TXLNA: variants seen among roughly 807,000 people sequenced by gnomAD.
TXLNA encodes taxilin alpha.
TXLNA carries 9 observed loss-of-function variants against 61.4 expected under a neutral mutation model. The observed-to-expected ratio is 0.15, with a 90% CI of 0.09 to 0.26. The LOEUF (loss-of-function observed/expected upper bound fraction) is 0.26. TXLNA is among the 10% of genes least tolerant of loss of function. The pLI, the probability that TXLNA is intolerant of heterozygous loss-of-function variation, is 1.00. For missense variants in TXLNA, 565 were observed against 688.8 expected, an observed-to-expected ratio of 0.82 and a Z score of 2.01; for synonymous variants, 257 against 267.7, an observed-to-expected ratio of 0.96 and a Z score of 0.39.
rs550675886 is a variant in TXLNA, at chr1:32,196,399, T to C, written c.*1204T>C. 2 of 152,414 alleles carry C rather than the reference T, an allele frequency of 1.3e-5. No homozygotes were observed. The highest frequency in any genetic ancestry group is 4.8e-5 in the African/African-American group (2 of 41,582). 9.4% of individuals were successfully genotyped at this position (152,414 alleles called of 1,614,324 possible). A position where few individuals can be genotyped will look rare whatever the true frequency, so the allele number is the denominator to read the frequency against. ...CTGATTCTATTTCCTGGCACCTCCCTGCCTGTCCTTGGGGATTCTACTTCT... is the reference window on the plus strand; with the variant it reads ...CTGATTCTATTTCCTGGCACCTCCCCGCCTGTCCTTGGGGATTCTACTTCT... On this transcript the variant is annotated 3_prime_UTR_variant, in exon 11 of 11. Transcript: ENST00000373610.
chr1:32,180,651 T>C, intron 2 of TXLNA, 137 bp downstream of exon 2: 2 of 1,140,888 alleles, frequency 1.8e-6, no homozygotes, highest in Non-Finnish European at 2.4e-6. Context: ...GGGGCCGCGG[T>C]CCCCCCTGCG....
Position 32,195,502 on chromosome 1 carries a change from T to A in TXLNA, c.*307T>A. On this transcript the variant is annotated 3_prime_UTR_variant, in exon 11 of 11. Transcript: ENST00000373610. ...CTTGAGAGGGGCTGTCATCTGTAGCTGCCATCACAGTGAGTTGGCAGAAGT... is the reference window on the plus strand; with the variant it reads ...CTTGAGAGGGGCTGTCATCTGTAGCAGCCATCACAGTGAGTTGGCAGAAGT... The A allele has an allele frequency of 3.9e-6, 2 of 512,818 alleles. No homozygotes were observed. The highest frequency in any genetic ancestry group is 6.6e-5 in the Admixed American group (2 of 30,438). The allele number at this position is 512,818 out of a possible 1,614,324, so 31.8% of individuals were successfully genotyped here.
At chr1:32,180,189 C>A in intron 1 of TXLNA, 125 bp from the exon 2 acceptor site, 1 of 1,046,276 alleles carries the variant, frequency 9.6e-7, no homozygotes, top group Non-Finnish European at 1.3e-6. Context: ...GCCGTTGGCG[C>A]CCTCCGCCCG....
intron 1 of TXLNA, 74 bp from the exon 2 acceptor site, chr1:32,180,240 G>T: frequency 7.1e-7 from 1 of 1,403,782 alleles, no homozygotes; most frequent in Non-Finnish European, 9.5e-7. Flanking sequence ...TTGTGCGCCT[G>T]CTGTGGGGAT....
At chr1:32,180,652 C>A (rs1642635467) in intron 2 of TXLNA, 138 bp downstream of exon 2, 3 of 1,133,032 alleles carry the variant, frequency 2.6e-6, no homozygotes, top group African/African-American at 1.6e-5. Flanking sequence ...GGGCCGCGGT[C>A]CCCCCTGCGC....
Position 32,192,543 on chromosome 1 carries a change from C to T in TXLNA, c.1083+113C>T, listed in dbSNP as rs548912260. On this transcript the variant is annotated intron_variant, in intron 7 of 10. Coordinates refer to ENST00000373610, the MANE Select transcript of TXLNA (RefSeq NM_175852.4). This position sits in a 1 kb window ranked among gnomAD's most constrained non-coding sequence, Gnocchi z 4.2. Reference sequence around the variant, plus strand: ...GTCTGGCCAGACCAGGCACAGATTCCTTGAGTACCAGTCTGAGAGCAGGAA... The same window carrying T: ...GTCTGGCCAGACCAGGCACAGATTCTTTGAGTACCAGTCTGAGAGCAGGAA... 2.9e-5 allele frequency: 46 copies of T among 1,590,572 alleles called. No individual in the cohort carries two copies. In the South Asian group the frequency reaches 4.6e-4, roughly 16 times the overall value.
chr1:32,192,569 G>C lies in TXLNA; in HGVS notation c.1084-88G>C. The C allele has an allele frequency of 6.3e-7, 1 of 1,589,348 alleles. No individual in the cohort carries two copies. Among genetic ancestry groups the C allele is most frequent in the Non-Finnish European group, 8.6e-7 (1 of 1,159,698 alleles). On this transcript the variant is annotated intron_variant, in intron 7 of 10. Transcript: ENST00000373610. The surrounding 1 kb of genome is among the most constrained non-coding windows in gnomAD (Gnocchi z 4.2). ...TTGAGTACCAGTCTGAGAGCAGGAAGCCTCAGTGGGTCTGGTGCTTGTGGC... is the reference window on the plus strand; with the variant it reads ...TTGAGTACCAGTCTGAGAGCAGGAACCCTCAGTGGGTCTGGTGCTTGTGGC...
At position 32,191,206 on chromosome 1, in the gene TXLNA, C is replaced by T. The variant is rs527638762; in HGVS notation, c.963+957C>T. 3.3e-5 allele frequency among the ~76,000 whole-genome samples: 5 copies of T among 152,050 alleles called. No homozygotes were observed. In the South Asian group the frequency reaches 6.2e-4, roughly 19 times the overall value. The stretch of plus-strand genomic sequence containing the variant: ...CTGCCAGTCACCTGGCTGTTCTGGG[C>T]GCGTTCTCATCATGAGAAGGGAGAC... On this transcript the variant is annotated intron_variant, in intron 6 of 10. Transcript: ENST00000373610.
At position 32,181,583 on chromosome 1, in the gene TXLNA, C is replaced by CAG; in HGVS notation, c.505+9_505+10dup. The stretch of plus-strand genomic sequence containing the variant: ...GAAAAAAGCCAAGGGTTTGGGTGAG[C>CAG]AGAGGGCGGCTCTTTGTGAAGCTGG... On this transcript the variant is annotated splice_region_variant and intron_variant, in intron 3 of 10. Coordinates refer to ENST00000373610, the MANE Select transcript of TXLNA (RefSeq NM_175852.4). 6.6e-7 allele frequency: 1 copy of CAG among 1,522,570 alleles called. No homozygotes were observed. The highest frequency in any genetic ancestry group is 8.8e-7 in the Non-Finnish European group (1 of 1,132,138). The allele number at this position is 1,522,570 out of a possible 1,614,324, so 94.3% of individuals were successfully genotyped here. A position where few individuals can be genotyped will look rare whatever the true frequency, so the allele number is the denominator to read the frequency against.
intron 9 of TXLNA, 99 bp downstream of exon 9, chr1:32,193,399 A>C: frequency 1.2e-6 from 1 of 866,290 alleles, no homozygotes; most frequent in Non-Finnish European, 1.9e-6. Context: ...GGGGTGTCTC[A>C]AGGGCAGGGC....
chr1:32,192,883 G>A lies in TXLNA; in HGVS notation c.1158+152G>A. The stretch of plus-strand genomic sequence containing the variant: ...CCTTTGTTCTCTCCGGACCTGCACA[G>A]TACCTATGTGGTGGTGACCAGGTAG... On this transcript the variant is annotated intron_variant, in intron 8 of 10. Coordinates refer to ENST00000373610, the MANE Select transcript of TXLNA (RefSeq NM_175852.4). The surrounding 1 kb of genome is among the most constrained non-coding windows in gnomAD (Gnocchi z 4.2). 1 of 751,056 alleles carries A rather than the reference G, an allele frequency of 1.3e-6. No homozygotes were observed. The highest frequency in any genetic ancestry group is 2.2e-6 in the Non-Finnish European group (1 of 459,836). The allele number at this position is 751,056 out of a possible 1,614,324, so 46.5% of individuals were successfully genotyped here. A position where few individuals can be genotyped will look rare whatever the true frequency, so the allele number is the denominator to read the frequency against.
intron 3 of TXLNA, among the ~76,000 whole-genome samples, chr1:32,182,550 TA>T (rs1642688333): frequency 6.6e-6 from 1 of 151,290 alleles, no homozygotes. Context: ...TAATCCCAGC[TA>T]CTTGGGAGGC....
At chr1:32,180,241 C>T (rs1287829906) in intron 1 of TXLNA, 73 bp from the exon 2 acceptor site, 2 of 1,403,194 alleles carry the variant, frequency 1.4e-6, no homozygotes, top group Non-Finnish European at 1.9e-6. Context: ...TGTGCGCCTG[C>T]TGTGGGGATT....
chr1:32,190,403 T>C lies in TXLNA; in HGVS notation c.963+154T>C, dbSNP rs77025118. On this transcript the variant is annotated intron_variant, in intron 6 of 10. Transcript: ENST00000373610. The stretch of plus-strand genomic sequence containing the variant: ...GGAGAGTAATGTTATTCCTCATAGA[T>C]AAAAAACAGGTGTGGAGAAGAGACT... Among the ~76,000 whole-genome samples, 1,444 of 152,020 alleles carry C rather than the reference T, an allele frequency of 9.5e-3. 18 individuals are homozygous for C. The highest frequency in any genetic ancestry group is 0.032 in the African/African-American group (1,329 of 41,434).
rs2124161606 is a variant in TXLNA at position 32,192,903 on chromosome 1, A to C, written c.1158+172A>C. Among the ~76,000 whole-genome samples, 1 of 152,294 alleles carries C rather than the reference A, an allele frequency of 6.6e-6. No individual in the cohort carries two copies. Among genetic ancestry groups the C allele is most frequent in the Middle Eastern group, 3.4e-3 (1 of 294 alleles). ...GCACAGTACCTATGTGGTGGTGACC[A>C]GGTAGTTAGGTGGGCTCAGAGGACT... On this transcript the variant is annotated intron_variant, in intron 8 of 10. Transcript: ENST00000373610. The surrounding 1 kb of genome is among the most constrained non-coding windows in gnomAD (Gnocchi z 4.2).
intron 10 of TXLNA, 150 bp downstream of exon 10, chr1:32,194,310 T>A (rs986364408): frequency 4.4e-6 from 3 of 678,232 alleles, no homozygotes; most frequent in Middle Eastern, 4.2e-4. Flanking sequence ...TTAATGCTGT[T>A]CTCTCCCCAT....
In TXLNA at chr1:32,193,392, G is replaced by A. The variant is rs1006047381; in HGVS notation, c.1251+92G>A. ...TGCCTTCAGGAAGCTCCCATCTGGG[G>A]TGTCTCAAGGGCAGGGCTGTTAGGA... On this transcript the variant is annotated intron_variant, in intron 9 of 10. Coordinates refer to ENST00000373610, the MANE Select transcript of TXLNA (RefSeq NM_175852.4). The A allele has an allele frequency of 4.3e-6, 4 of 924,492 alleles. No individual in the cohort carries two copies. The African/African-American group carries it at 6.5e-5, about 15-fold the overall frequency. The allele number at this position is 924,492 out of a possible 1,614,324, so 57.3% of individuals were successfully genotyped here.
intron 5 of TXLNA, 36 bp from the exon 6 acceptor site, chr1:32,190,019 G>A: frequency 6.5e-7 from 1 of 1,529,444 alleles, no homozygotes; most frequent in Non-Finnish European, 8.9e-7. Context: ...TGAGGTAGCA[G>A]TGGATGATGG....
intron 4 of TXLNA, among the ~76,000 whole-genome samples, chr1:32,185,438 G>T (rs949067471): frequency 1.3e-5 from 2 of 152,072 alleles, no homozygotes; most frequent in Non-Finnish European, 2.9e-5. Flanking sequence ...TGTCGCCCAG[G>T]CTGGGGTGCA....
Sources: allele counts gnomAD v4.1 joint callset (sites outside exome capture counted in the v4.1 genomes callset), GRCh38; gene constraint gnomAD v4.1.1; non-coding constraint Gnocchi (gnomAD v3.1); transcripts MANE v1.5; gene names NCBI Gene and HGNC (gene_info 2026-07-23, HGNC 2026-07-21).